Variants in STX1B observed in about 807,000 individuals in gnomAD.
STX1B encodes syntaxin-1B.
A neutral mutation model predicts 39.4 loss-of-function variants in STX1B; 7 were observed. That is an observed-to-expected ratio of 0.18 (90% CI 0.10 to 0.33). The LOEUF is 0.33. STX1B is among the 10% of genes least tolerant of loss of function. STX1B has a pLI of 1.00. For synonymous variants in STX1B, 136 were observed against 144.1 expected (o/e 0.94, Z 0.40); for missense variants, 198 against 383.2 (o/e 0.52, Z 4.04).
chr16:30,992,653 C>G lies in STX1B; in HGVS notation c.*168G>C. The G allele has an allele frequency of 2.5e-6, 1 of 402,260 alleles. No individual in the cohort carries two copies. The highest frequency in any genetic ancestry group is 4.2e-6 in the Non-Finnish European group (1 of 237,710). 24.9% of individuals were successfully genotyped at this position (402,260 alleles called of 1,614,324 possible). On this transcript the variant is annotated 3_prime_UTR_variant, in exon 10 of 10. Transcript: ENST00000215095. ...CTACGTGCGGGGACGGGGGGGGGGT[C>G]CATGGCCCGGTGAGGTCCAGGGACA...
intron 7 of STX1B, among the ~76,000 whole-genome samples, chr16:30,995,528 G>A (rs1012228830): frequency 6.7e-6 from 1 of 149,566 alleles, no homozygotes; most frequent in Admixed American, 6.7e-5. Context: ...GTGTCAGTCT[G>A]TTGCCCAGGC....
At position 30,993,532 on chromosome 16, in the gene STX1B, C is replaced by T. The variant is rs749340307; in HGVS notation, c.538-48G>A. 6.9e-6 allele frequency: 11 copies of T among 1,605,134 alleles called. No individual in the cohort carries two copies. In the East Asian group the frequency reaches 1.3e-4, roughly 20 times the overall value. ...TACAATCACCCTTCTCCGCCATGAGCGCCTCCACCGCAGTGGAGTGGCCAG... is the reference window on the plus strand; with the variant it reads ...TACAATCACCCTTCTCCGCCATGAGTGCCTCCACCGCAGTGGAGTGGCCAG... On this transcript the variant is annotated intron_variant, in intron 7 of 9. Coordinates refer to ENST00000215095, the MANE Select transcript of STX1B (RefSeq NM_052874.5).
chr16:31,009,765 C>T (rs2056671745), intron 1 of STX1B, among the ~76,000 whole-genome samples: 1 of 151,838 alleles, frequency 6.6e-6, no homozygotes, highest in Non-Finnish European at 1.5e-5. Flanking sequence ...CCCCATCTCC[C>T]ACCTCTGGGT....
rs962323833 is a variant in STX1B, at chr16:30,990,390, A to G, written c.*2431T>C. On this transcript the variant is annotated 3_prime_UTR_variant, in exon 10 of 10. Transcript: ENST00000215095. ...GACAGGCAGGCCCCCAGCTCAGGAC[A>G]GCCCACCTGGGGTTACGCACGTGGC... is the stretch of plus-strand genomic sequence containing the variant. 1.3e-5 allele frequency: 2 copies of G among 152,366 alleles called. No individual in the cohort carries two copies. Among genetic ancestry groups the G allele is most frequent in the African/African-American group, 4.8e-5 (2 of 41,568 alleles). The allele number at this position is 152,366 out of a possible 1,614,324, so 9.4% of individuals were successfully genotyped here. A position where few individuals can be genotyped will look rare whatever the true frequency, so the allele number is the denominator to read the frequency against.
intron 1 of STX1B, among the ~76,000 whole-genome samples, chr16:31,004,380 C>T (rs955240775): frequency 2.6e-5 from 4 of 152,094 alleles, no homozygotes; most frequent in African/African-American, 9.7e-5. Context: ...AGGCATAGAG[C>T]TAAATAACTC....
chr16:31,010,043 T>C (rs2056672821), intron 1 of STX1B, among the ~76,000 whole-genome samples: 1 of 151,886 alleles, frequency 6.6e-6, no homozygotes, highest in African/African-American at 2.4e-5. Flanking sequence ...GGGATGACAG[T>C]CTCCTCCGGT....
chr16:30,997,216 GC>G (rs1308947220), intron 5 of STX1B, among the ~76,000 whole-genome samples, 157 bp from the exon 6 acceptor site: 1 of 152,134 alleles, frequency 6.6e-6, no homozygotes, highest in East Asian at 1.9e-4. Context: ...AGCTCTGGCC[GC>G]GATCCCAAAC....
rs1009898746 is a variant in STX1B, at chr16:30,992,646, G to C, written c.*175C>G. On this transcript the variant is annotated 3_prime_UTR_variant, in exon 10 of 10. Transcript: ENST00000215095. Reference sequence around the variant, plus strand: ...CTGCGATCTACGTGCGGGGACGGGGGGGGGGTCCATGGCCCGGTGAGGTCC... The same window carrying C: ...CTGCGATCTACGTGCGGGGACGGGGCGGGGGTCCATGGCCCGGTGAGGTCC... The C allele has an allele frequency of 7.7e-6, 4 of 522,562 alleles. No individual in the cohort carries two copies. Among genetic ancestry groups the C allele is most frequent in the African/African-American group, 5.9e-5 (3 of 51,244 alleles). 32.4% of individuals were successfully genotyped at this position (522,562 alleles called of 1,614,324 possible).
At chr16:30,996,625 C>T (rs2056593576) in intron 7 of STX1B, 58 bp downstream of exon 7, 1 of 1,528,530 alleles carries the variant, frequency 6.5e-7, no homozygotes, top group Non-Finnish European at 9.0e-7. Context: ...TCAACCTGAA[C>T]TTAGGGAGGG....
intron 1 of STX1B, among the ~76,000 whole-genome samples, chr16:31,007,357 C>T (rs775932189): frequency 1.1e-4 from 16 of 152,196 alleles, no homozygotes; most frequent in Middle Eastern, 3.4e-3. Flanking sequence ...AGGGTGTCTC[C>T]GCACTTCTCC....
intron 1 of STX1B, among the ~76,000 whole-genome samples, chr16:31,003,968 G>A (rs2056644461): frequency 6.6e-6 from 1 of 152,180 alleles, no homozygotes; most frequent in Non-Finnish European, 1.5e-5. Context: ...AGGCCACATA[G>A]GGCCAGAAAA....
chr16:30,989,741 A>G lies in STX1B; in HGVS notation c.*3080T>C, dbSNP rs2056539336. ...GCAGGGTGAATGCATAGAACACATC[A>G]TGTGTACACGCTCAGGGCGTGGCAA... On this transcript the variant is annotated 3_prime_UTR_variant, in exon 10 of 10. Coordinates refer to ENST00000215095, the MANE Select transcript of STX1B (RefSeq NM_052874.5). 1 of 152,352 alleles carries G rather than the reference A, an allele frequency of 6.6e-6. No homozygotes were observed. Among genetic ancestry groups the G allele is most frequent in the South Asian group, 2.1e-4 (1 of 4,840 alleles). 9.4% of individuals were successfully genotyped at this position (152,352 alleles called of 1,614,324 possible).
intron 1 of STX1B, among the ~76,000 whole-genome samples, chr16:31,005,072 C>T (rs2056648763): frequency 6.6e-6 from 1 of 152,204 alleles, no homozygotes; most frequent in South Asian, 2.1e-4. Context: ...CCATCCCTCC[C>T]AGCCTCCGTC....
chr16:30,996,895 A>AG (rs2143669008), intron 6 of STX1B, 56 bp downstream of exon 6: 1 of 1,513,194 alleles, frequency 6.6e-7, no homozygotes, highest in African/African-American at 1.4e-5. Context: ...AATGCCTGGA[A>AG]GGGGGCTTGG....
intron 1 of STX1B, among the ~76,000 whole-genome samples, chr16:31,007,778 C>T (rs1431519150): frequency 6.6e-6 from 1 of 152,182 alleles, no homozygotes; most frequent in East Asian, 1.9e-4. Flanking sequence ...GGGTAACAGA[C>T]ACACAGCACT....
Position 30,997,063 on chromosome 16 carries a change from C to T in STX1B, c.355-4G>A. On this transcript the variant is annotated splice_region_variant and splice_polypyrimidine_tract_variant and intron_variant, in intron 5 of 9. Coordinates refer to ENST00000215095, the MANE Select transcript of STX1B (RefSeq NM_052874.5). ...ACTTCCGGGACAGTGTGGAGTGCTA[C>T]GGTGGGGGTGGGGGGACAGACGGAT... The T allele has an allele frequency of 7.2e-7, 1 of 1,379,850 alleles. No individual in the cohort carries two copies. The highest frequency in any genetic ancestry group is 9.9e-7 in the Non-Finnish European group (1 of 1,010,610). The allele number at this position is 1,379,850 out of a possible 1,614,324, so 85.5% of individuals were successfully genotyped here.
chr16:31,007,577 C>T (rs1157912703), intron 1 of STX1B, among the ~76,000 whole-genome samples: 1 of 152,214 alleles, frequency 6.6e-6, no homozygotes, highest in East Asian at 1.9e-4. Flanking sequence ...ACCAAGGTTG[C>T]CTGGTAAACT....
chr16:30,992,639 GA>G lies in STX1B; in HGVS notation c.*181del, dbSNP rs2056566262. 4.0e-6 allele frequency: 2 copies of G among 499,012 alleles called. No individual in the cohort carries two copies. The highest frequency in any genetic ancestry group is 3.1e-5 in the East Asian group (1 of 32,196). The allele number at this position is 499,012 out of a possible 1,614,324, so 30.9% of individuals were successfully genotyped here. On this transcript the variant is annotated 3_prime_UTR_variant, in exon 10 of 10. Coordinates refer to ENST00000215095, the MANE Select transcript of STX1B (RefSeq NM_052874.5). Reference sequence around the variant, plus strand: ...ACGCCTGCTGCGATCTACGTGCGGGGACGGGGGGGGGGTCCATGGCCCGGTG... The same window carrying G: ...ACGCCTGCTGCGATCTACGTGCGGGGCGGGGGGGGGGTCCATGGCCCGGTG...
chr16:31,007,704 G>T (rs1201278820), intron 1 of STX1B, among the ~76,000 whole-genome samples: 1 of 152,120 alleles, frequency 6.6e-6, no homozygotes, highest in Non-Finnish European at 1.5e-5. Context: ...TAAAATAGGG[G>T]CCATGTCCTG....
Sources: allele counts gnomAD v4.1 joint callset (sites outside exome capture counted in the v4.1 genomes callset), GRCh38; gene constraint gnomAD v4.1.1; transcripts MANE v1.5; gene names NCBI Gene and HGNC (gene_info 2026-07-23, HGNC 2026-07-21).